JAK1: variants seen among roughly 807,000 people sequenced by gnomAD.
The protein encoded by JAK1 is tyrosine-protein kinase JAK1.
JAK1 carries 16 observed loss-of-function variants against 136.6 expected under a neutral mutation model. That is an observed-to-expected ratio of 0.12 (90% confidence interval 0.08 to 0.18). JAK1 has a LOEUF of 0.18. JAK1 is among the 10% of genes least tolerant of loss of function. The pLI, the probability that JAK1 is intolerant of heterozygous loss-of-function variation, is 1.00. For synonymous variants in JAK1, 492 were observed against 519.5 expected, an observed-to-expected ratio of 0.95 and a Z score of 0.72; for missense variants, 859 against 1,450.1, an observed-to-expected ratio of 0.59 and a Z score of 6.62.
Position 64,835,404 on chromosome 1 carries a change from G to C in JAK1, c.3361C>G (p.Pro1121Ala), listed in dbSNP as rs1413899535. The change falls in exon 24 of 25, where the codon CCA (proline) becomes GCA (alanine). Residue 1121 changes from proline to alanine, a missense_variant. Transcript: ENST00000342505. The stretch of plus-strand genomic sequence containing the variant: ...ACGTGGCCCATAGATACCTCATCTG[G>C]ACAGTTAGGTGGGCACGGCAGGCGT... ...GKRLPCPPNCPDEVYQLMRKC... is the reference protein window; with the variant it reads ...GKRLPCPPNCADEVYQLMRKC... The C allele has an allele frequency of 1.3e-6, 2 of 1,578,624 alleles. No individual in the cohort carries two copies. The highest frequency in any genetic ancestry group is 8.6e-7 in the Non-Finnish European group (1 of 1,159,332).
At chr1:64,981,149 C>G (rs1019433708) in intron 2 of JAK1, among the ~76,000 whole-genome samples, 2 of 152,104 alleles carry the variant, frequency 1.3e-5, no homozygotes. Flanking sequence ...GATAAGTGCC[C>G]TGGTAACTCT....
Position 64,976,577 on chromosome 1 carries a change from C to T in JAK1, c.-78+67903G>A, listed in dbSNP as rs141077236. Among the ~76,000 whole-genome samples, 4 of 152,322 alleles carry T rather than the reference C, an allele frequency of 2.6e-5. No homozygotes were observed. In the East Asian group the frequency reaches 7.7e-4, roughly 29 times the overall value. On this transcript the variant is annotated intron_variant, in intron 2 of 25. Transcript: ENST00000671954. ...AGGAGCTCAGCTCTGGGATCACTCT[C>T]CTACTTTCAGCAATGCCCTGCAGAG... is the stretch of plus-strand genomic sequence containing the variant.
intron 1 of JAK1, chr1:65,066,809 G>C (rs1005360733): frequency 6.5e-6 from 1 of 152,780 alleles, no homozygotes; most frequent in Non-Finnish European, 1.5e-5. Context: ...GATCCTTCAT[G>C]TAAACAACAT....
chr1:65,012,021 C>T (rs577104718), intron 2 of JAK1, among the ~76,000 whole-genome samples: 19 of 152,270 alleles, frequency 1.2e-4, no homozygotes, highest in Admixed American at 7.8e-4. Context: ...CCAGTTTGGG[C>T]GCCTGTTAGC....
chr1:64,969,974 A>G (rs1483397165), upstream of JAK1, among the ~76,000 whole-genome samples: 2 of 151,878 alleles, frequency 1.3e-5, no homozygotes, highest in African/African-American at 4.8e-5. Context: ...TGTATCTACA[A>G]AAAATACAAA....
At chr1:65,023,997 G>A (rs1204337781) in intron 2 of JAK1, among the ~76,000 whole-genome samples, 1 of 144,116 alleles carries the variant, frequency 6.9e-6, no homozygotes, top group Non-Finnish European at 1.5e-5. Context: ...ATATCACAAT[G>A]TGTTTATCCA....
At chr1:64,843,309 C>T (rs993793629) in intron 17 of JAK1, among the ~76,000 whole-genome samples, 1 of 152,206 alleles carries the variant, frequency 6.6e-6, no homozygotes, top group Non-Finnish European at 1.5e-5. Flanking sequence ...AACAGGAGCA[C>T]ATTCCAATTG....
chr1:64,850,436 G>A lies in JAK1; in HGVS notation c.1755+368C>T, dbSNP rs146945011. ...AAGCATCATCAGAAAGTGCAGGACT[G>A]AACTCTGGAGGTGCTCCATCACACA... On this transcript the variant is annotated intron_variant, in intron 12 of 24. Transcript: ENST00000342505. 4.1e-4 allele frequency among the ~76,000 whole-genome samples: 62 copies of A among 152,338 alleles called. No individual in the cohort carries two copies. The East Asian group carries it at 0.012, about 29-fold the overall frequency.
intron 11 of JAK1, among the ~76,000 whole-genome samples, chr1:64,852,555 G>A (rs1655669070): frequency 6.6e-6 from 1 of 152,200 alleles, no homozygotes; most frequent in African/African-American, 2.4e-5. Flanking sequence ...TCAAGAAGGG[G>A]CCCCGTGGCT....
rs895853972 is a variant in JAK1 at position 65,032,522 on chromosome 1, CA to C, written c.-78+11957del. Among the ~76,000 whole-genome samples the C allele has an allele frequency of 4.6e-5, 7 of 151,480 alleles. No individual in the cohort carries two copies. In the East Asian group the frequency reaches 1.4e-3, roughly 29 times the overall value. ...ATATGCAAAACAACAACAACAACAACAAAAAAAACAGGCTAAAGGAAATACA... is the reference window on the plus strand; with the variant it reads ...ATATGCAAAACAACAACAACAACAACAAAAAAACAGGCTAAAGGAAATACA... On this transcript the variant is annotated intron_variant, in intron 2 of 25. Transcript: ENST00000671954.
chr1:64,837,372 A>G (rs1419193419), intron 22 of JAK1, among the ~76,000 whole-genome samples: 1 of 152,226 alleles, frequency 6.6e-6, no homozygotes, highest in African/African-American at 2.4e-5. Flanking sequence ...GTTACGTGGC[A>G]GGGTGCGGTA....
intron 1 of JAK1, among the ~76,000 whole-genome samples, chr1:64,893,810 T>C (rs1644974454): frequency 6.6e-6 from 1 of 152,190 alleles, no homozygotes; most frequent in African/African-American, 2.4e-5. Flanking sequence ...AATGTCACAA[T>C]GTAAAGACAT....
intron 1 of JAK1, among the ~76,000 whole-genome samples, chr1:64,938,976 TTTC>T (rs1645839503): frequency 6.6e-6 from 1 of 152,198 alleles, no homozygotes; most frequent in South Asian, 2.1e-4. Context: ...CTAGCATTTT[TTTC>T]TTTTCTTTTC....
At chr1:64,907,508 C>T (rs2132754) in intron 1 of JAK1, among the ~76,000 whole-genome samples, 118,574 of 151,958 alleles carry the variant, frequency 0.78, 47,551 homozygotes, top group Non-Finnish European at 0.88. Flanking sequence ...GGACACACAG[C>T]GGGGAACATC....
chr1:64,978,963 G>A (rs1646520479), intron 2 of JAK1, among the ~76,000 whole-genome samples: 1 of 152,036 alleles, frequency 6.6e-6, no homozygotes, highest in Non-Finnish European at 1.5e-5. Flanking sequence ...AAAATTCCGT[G>A]CATCTTTATT....
chr1:65,055,367 T>C (rs1251479581), intron 1 of JAK1, among the ~76,000 whole-genome samples: 1 of 152,240 alleles, frequency 6.6e-6, no homozygotes, highest in African/African-American at 2.4e-5. Context: ...TATTCCAATG[T>C]AGGTATACAC....
chr1:65,028,755 T>C (rs553002), intron 2 of JAK1, among the ~76,000 whole-genome samples: 7,359 of 152,318 alleles, frequency 0.048, 551 homozygotes, highest in East Asian at 0.38. Context: ...CGTTATCTGA[T>C]TTAATCCTCC....
rs754269005 is a variant in JAK1 at position 64,883,442 on chromosome 1, C to T, written c.40G>A (p.Ala14Thr). ...LNIKEDCNAM[A>T]FCAKMRSSKK... Reference sequence around the variant, plus strand: ...GAGCTCCTCATTTTAGCACAGAAAGCCATGGCATTGCAGTCCTCTTTTATA... The same window carrying T: ...GAGCTCCTCATTTTAGCACAGAAAGTCATGGCATTGCAGTCCTCTTTTATA... The change falls in exon 3 of 25, where the codon GCT becomes ACT. Residue 14 changes from alanine (A) to threonine (T), a missense_variant. This residue lies in a region of JAK1 where 353 missense variants were observed against 494.0 expected (regional missense o/e 0.71). Transcript: ENST00000342505. The T allele has an allele frequency of 6.2e-7, 1 of 1,614,108 alleles. No individual in the cohort carries two copies. Among genetic ancestry groups the T allele is most frequent in the Non-Finnish European group, 8.5e-7 (1 of 1,179,994 alleles).
At chr1:64,858,024 C>A (rs1315782037) in intron 9 of JAK1, among the ~76,000 whole-genome samples, 1 of 152,162 alleles carries the variant, frequency 6.6e-6, no homozygotes, top group Non-Finnish European at 1.5e-5. Context: ...AGGCAATGAG[C>A]CCTGCTTGTC....
Sources: gnomAD v4.1 joint callset for allele counts (sites outside exome capture counted in the v4.1 genomes callset) on GRCh38, gnomAD v4.1.1 for gene constraint, gnomAD v4.1.1 regional missense constraint, MANE v1.5 for transcripts, NCBI Gene and HGNC (gene_info 2026-07-23, HGNC 2026-07-21) for gene names.